SLIT1: variants seen among roughly 807,000 people sequenced by gnomAD.
SLIT1 encodes slit homolog 1 protein.
Under a neutral mutation model 186.1 loss-of-function variants are expected in SLIT1, and 66 were observed. The observed-to-expected ratio is 0.35, with a 90% CI of 0.29 to 0.44. SLIT1 has a LOEUF of 0.44. Among genes scored for constraint, SLIT1 ranks in the 20% least tolerant of loss-of-function variants. The pLI is 1.00. For missense variants in SLIT1, 1,638 were observed against 2,037.4 expected, an observed-to-expected ratio of 0.80 and a Z score of 3.77; for synonymous variants, 761 against 833.8, an observed-to-expected ratio of 0.91 and a Z score of 1.50.
intron 4 of SLIT1, 48 bp downstream of exon 4, chr10:97,157,768 TGA>T (rs749075166): frequency 5.7e-6 from 8 of 1,412,780 alleles, no homozygotes; most frequent in Non-Finnish European, 8.0e-6. Context: ...TCCCACAGGG[TGA>T]GAGACAAAAC....
Position 97,184,368 on chromosome 10 carries a change from T to C in SLIT1, c.197+1110A>G, listed in dbSNP as rs1850382494. Among the ~76,000 whole-genome samples, 1 of 152,026 alleles carries C rather than the reference T, an allele frequency of 6.6e-6. No homozygotes were observed. Among genetic ancestry groups the C allele is most frequent in the Non-Finnish European group, 1.5e-5 (1 of 67,994 alleles). Reference sequence around the variant, plus strand: ...GCCAGCAGCCTTCTCCAAAGCCCTGTTCAAAAATCTCCTGGTGTAGTCACC... The same window carrying C: ...GCCAGCAGCCTTCTCCAAAGCCCTGCTCAAAAATCTCCTGGTGTAGTCACC... On this transcript the variant is annotated intron_variant, in intron 1 of 36. Coordinates refer to ENST00000266058, the MANE Select transcript of SLIT1 (RefSeq NM_003061.3). The surrounding 1 kb of genome is among the most constrained non-coding windows in gnomAD (Gnocchi z 4.4).
Position 97,060,068 on chromosome 10 carries a change from A to G in SLIT1, c.1013+19T>C, listed in dbSNP as rs757569931. The G allele has an allele frequency of 6.3e-7, 1 of 1,595,964 alleles. No individual in the cohort carries two copies. The highest frequency in any genetic ancestry group is 1.1e-5 in the South Asian group (1 of 90,720). On this transcript the variant is annotated intron_variant, in intron 10 of 36. Coordinates refer to ENST00000266058, the MANE Select transcript of SLIT1 (RefSeq NM_003061.3). ...TCAGCCCTGTACCAGCTCCCCAGGA[A>G]GCAGTGGGAGGCACTCACATCCTCC...
intron 13 of SLIT1, among the ~76,000 whole-genome samples, chr10:97,053,876 G>A (rs145657695): frequency 3.3e-3 from 508 of 152,278 alleles, no homozygotes; most frequent in African/African-American, 0.011. Context: ...TTGGATGTTC[G>A]TCCCCACCAA....
At chr10:97,175,255 C>CTA (rs901501056) in intron 1 of SLIT1, among the ~76,000 whole-genome samples, 13 of 152,140 alleles carry the variant, frequency 8.5e-5, no homozygotes, top group African/African-American at 3.1e-4. Flanking sequence ...ATATTCTATT[C>CTA]TATATATATA....
chr10:97,119,913 G>GGATATATATATA (rs1554852185), intron 4 of SLIT1, among the ~76,000 whole-genome samples: 2 of 56,510 alleles, frequency 3.5e-5, no homozygotes, highest in African/African-American at 5.3e-5. Context: ...TTCCAAAGGG[G>GGATATATATATA]TATATATATA....
intron 8 of SLIT1, among the ~76,000 whole-genome samples, chr10:97,062,570 G>T (rs751709335): frequency 6.6e-6 from 1 of 152,256 alleles, no homozygotes; most frequent in African/African-American, 2.4e-5. Flanking sequence ...GGCTCCCTGG[G>T]CCCTGCCCTG....
Position 97,019,094 on chromosome 10 carries a change from C to A in SLIT1, c.2760G>T (p.Leu920=), listed in dbSNP as rs1460126209. 6.2e-7 allele frequency: 1 copy of A among 1,613,104 alleles called. No individual in the cohort carries two copies. The highest frequency in any genetic ancestry group is 1.1e-5 in the South Asian group (1 of 90,990). ...KKFECQGPPT[L]AVQAKCDLCL... ...AGAGATCACACTTGGCCTGGACAGC[C>A]AGCGTTGGAGGACCTGCAGCAAGGG... Residue 920 remains leucine, a synonymous_variant, in exon 27 of 37, where the codon CTG becomes CTT. Transcript: ENST00000266058.
chr10:97,013,638 G>T, intron 30 of SLIT1, 103 bp downstream of exon 30: 1 of 840,322 alleles, frequency 1.2e-6, no homozygotes, highest in Non-Finnish European at 2.0e-6. Flanking sequence ...CAAACCCATT[G>T]GACAAATGAG....
chr10:97,134,252 A>G (rs1425396369), intron 4 of SLIT1, among the ~76,000 whole-genome samples: 45 of 152,194 alleles, frequency 3.0e-4, no homozygotes, highest in Non-Finnish European at 2.9e-5. Context: ...CCCCACAGTC[A>G]CAGCCACAGT....
chr10:97,118,415 C>T (rs1333122009), intron 4 of SLIT1, among the ~76,000 whole-genome samples: 1 of 152,178 alleles, frequency 6.6e-6, no homozygotes, highest in Non-Finnish European at 1.5e-5. Flanking sequence ...TTAGAGCCCA[C>T]TCCCCACTTT....
intron 4 of SLIT1, among the ~76,000 whole-genome samples, chr10:97,111,908 CT>C (rs1849468350): frequency 6.6e-6 from 1 of 152,162 alleles, no homozygotes; most frequent in Non-Finnish European, 1.5e-5. Flanking sequence ...GAATTTGTGC[CT>C]CTCTGCTGCC....
At chr10:97,063,790 C>T (rs1848917225) in intron 7 of SLIT1, among the ~76,000 whole-genome samples, 172 bp from the exon 8 acceptor site, 1 of 152,156 alleles carries the variant, frequency 6.6e-6, no homozygotes, top group African/African-American at 2.4e-5. Context: ...TCCACAGCCC[C>T]GTGAAGATCC....
intron 4 of SLIT1, among the ~76,000 whole-genome samples, chr10:97,141,671 T>C (rs1350174309): frequency 2.2e-5 from 3 of 134,914 alleles, no homozygotes; most frequent in African/African-American, 9.6e-5. Context: ...TGCATTGCAT[T>C]GTATCGTATT....
rs116697011 is a variant in SLIT1, at chr10:97,025,507, G to C, written c.2583-4094C>G. Among the ~76,000 whole-genome samples, 914 of 152,128 alleles carry C rather than the reference G, an allele frequency of 6.0e-3. 6 individuals are homozygous for C. Among genetic ancestry groups the C allele is most frequent in the African/African-American group, 0.021 (886 of 41,498 alleles). On this transcript the variant is annotated intron_variant, in intron 25 of 36. Transcript: ENST00000266058. ...CTGAGGACTGCCTTGCCCTCTCTTC[G>C]GTAGTACTTGTAGTTTGCATTCATC...
chr10:97,058,187 C>G, intron 11 of SLIT1: 1 of 651,392 alleles, frequency 1.5e-6, no homozygotes. Context: ...GCATCAGATT[C>G]CCATTTCAGA....
chr10:97,061,173 T>A (rs972142994), intron 8 of SLIT1, among the ~76,000 whole-genome samples: 2 of 152,240 alleles, frequency 1.3e-5, no homozygotes, highest in Non-Finnish European at 2.9e-5. Context: ...ACTTACTGTA[T>A]GCCACATGCT....
In SLIT1 at chr10:96,998,385, C is replaced by G. The variant is rs529962729; in HGVS notation, c.*2727G>C. On this transcript the variant is annotated 3_prime_UTR_variant, in exon 37 of 37. Transcript: ENST00000266058. ...AGGAGACAAAGTCCAGCCTTTTCCA[C>G]TTCCTGACACCTTCACCGGGAGCCC... 1 of 152,404 alleles carries G rather than the reference C, an allele frequency of 6.6e-6. No homozygotes were observed. Among genetic ancestry groups the G allele is most frequent in the Admixed American group, 6.5e-5 (1 of 15,308 alleles). The allele number at this position is 152,404 out of a possible 1,614,324, so 9.4% of individuals were successfully genotyped here. A position where few individuals can be genotyped will look rare whatever the true frequency, so the allele number is the denominator to read the frequency against.
At chr10:97,089,376 C>T (rs1222281348) in intron 4 of SLIT1, among the ~76,000 whole-genome samples, 1 of 152,196 alleles carries the variant, frequency 6.6e-6, no homozygotes, top group Non-Finnish European at 1.5e-5. Flanking sequence ...CCTGTCGCAC[C>T]TGACAGCCAG....
At chr10:97,071,667 G>A (rs1304122415) in intron 4 of SLIT1, among the ~76,000 whole-genome samples, 1 of 152,200 alleles carries the variant, frequency 6.6e-6, no homozygotes, top group East Asian at 1.9e-4. Flanking sequence ...GCTGGGCTGA[G>A]CGGGGCTCTG....
Sources: allele counts gnomAD v4.1 joint callset (sites outside exome capture counted in the v4.1 genomes callset), GRCh38; gene constraint gnomAD v4.1.1; non-coding constraint Gnocchi (gnomAD v3.1); transcripts MANE v1.5; gene names NCBI Gene and HGNC (gene_info 2026-07-23, HGNC 2026-07-21).